Variants in ZDHHC14 observed in about 807,000 individuals in gnomAD.
The protein encoded by ZDHHC14 is zDHHC palmitoyltransferase 14.
In ZDHHC14, 16 loss-of-function variants were observed where a neutral mutation model predicts 47.7. That is an observed-to-expected ratio of 0.34 (90% CI 0.23 to 0.51). ZDHHC14 has a LOEUF of 0.51. Ranked by LOEUF, ZDHHC14 falls within the 20% of genes least tolerant of loss-of-function variation. The pLI, the probability that ZDHHC14 is intolerant of heterozygous loss-of-function variation, is 0.97. For missense variants in ZDHHC14, 515 were observed against 662.5 expected, an observed-to-expected ratio of 0.78 and a Z score of 2.44; for synonymous variants, 293 against 278.9, an observed-to-expected ratio of 1.05 and a Z score of -0.50.
intron 1 of ZDHHC14, among the ~76,000 whole-genome samples, chr6:157,476,515 C>T (rs955547101): frequency 2.0e-5 from 3 of 152,162 alleles, no homozygotes; most frequent in African/African-American, 7.2e-5. Context: ...AAAACTCTTC[C>T]AAACAACTGA....
chr6:157,560,085 T>C (rs1403873951), intron 2 of ZDHHC14, among the ~76,000 whole-genome samples: 1 of 152,244 alleles, frequency 6.6e-6, no homozygotes, highest in Non-Finnish European at 1.5e-5. Context: ...TTTCCACTCA[T>C]GCAGGCACAG....
intron 3 of ZDHHC14, among the ~76,000 whole-genome samples, chr6:157,613,776 T>C (rs1784843518): frequency 1.3e-5 from 2 of 152,104 alleles, no homozygotes; most frequent in Admixed American, 1.3e-4. Flanking sequence ...GGCCTAGGAA[T>C]AGGCTTCGGG....
chr6:157,507,286 A>ATT (rs34582274), intron 1 of ZDHHC14, among the ~76,000 whole-genome samples: 35 of 134,990 alleles, frequency 2.6e-4, no homozygotes, highest in Non-Finnish European at 3.3e-4. Flanking sequence ...TTCCTGACTC[A>ATT]TTTTTTTTTT....
rs1777523522 is a variant in ZDHHC14, at chr6:157,645,850, G to A, written c.855+11G>A. ...ACAACAAATGAGGACGTAAGTTCCTGACCACACGGGACACGGGCGTGTTCT... is the reference window on the plus strand; with the variant it reads ...ACAACAAATGAGGACGTAAGTTCCTAACCACACGGGACACGGGCGTGTTCT... On this transcript the variant is annotated intron_variant, in intron 6 of 8. Transcript: ENST00000359775. The A allele has an allele frequency of 1.2e-6, 2 of 1,610,456 alleles. No homozygotes were observed. The highest frequency in any genetic ancestry group is 1.3e-5 in the African/African-American group (1 of 74,830).
chr6:157,443,181 C>A (rs1468635798), intron 1 of ZDHHC14, among the ~76,000 whole-genome samples: 1 of 152,170 alleles, frequency 6.6e-6, no homozygotes, highest in African/African-American at 2.4e-5. Flanking sequence ...AGGGGCTCTT[C>A]CTTGTTTGCT....
At chr6:157,514,269 C>T (rs376240588) in intron 1 of ZDHHC14, among the ~76,000 whole-genome samples, 6 of 152,324 alleles carry the variant, frequency 3.9e-5, no homozygotes, top group East Asian at 1.9e-4. Flanking sequence ...AGCCAGCTCA[C>T]GGCCATGCGG....
At chr6:157,442,549 G>T (rs1265253715) in intron 1 of ZDHHC14, among the ~76,000 whole-genome samples, 3 of 152,312 alleles carry the variant, frequency 2.0e-5, no homozygotes, top group African/African-American at 4.8e-5. Context: ...CCAGTGTGCC[G>T]GTTTGTTGGT....
At chr6:157,398,492 G>A (rs1214419451) in intron 1 of ZDHHC14, among the ~76,000 whole-genome samples, 1 of 152,214 alleles carries the variant, frequency 6.6e-6, no homozygotes, top group Non-Finnish European at 1.5e-5. Flanking sequence ...AGAGGCTGGA[G>A]GCCAGGCTGA....
intron 1 of ZDHHC14, among the ~76,000 whole-genome samples, chr6:157,525,799 A>T (rs1032359027): frequency 6.6e-6 from 1 of 152,134 alleles, no homozygotes; most frequent in African/African-American, 2.4e-5. Flanking sequence ...CTGCTGCTGG[A>T]TGCCTGCGAG....
chr6:157,588,319 C>G (rs1049218757), intron 2 of ZDHHC14, among the ~76,000 whole-genome samples: 3 of 151,682 alleles, frequency 2.0e-5, no homozygotes, highest in African/African-American at 7.3e-5. Context: ...ATTAGCCAGG[C>G]ATGGTGGTGA....
At chr6:157,432,203 A>G (rs1403507203) in intron 1 of ZDHHC14, among the ~76,000 whole-genome samples, 2 of 152,206 alleles carry the variant, frequency 1.3e-5, no homozygotes. Context: ...TGGAGGCTTC[A>G]TAGCTGTGCA....
At position 157,623,582 on chromosome 6, in the gene ZDHHC14, G is replaced by A. The variant is rs570681032; in HGVS notation, c.566-4767G>A. Among the ~76,000 whole-genome samples the A allele has an allele frequency of 4.1e-4, 54 of 132,000 alleles. 1 individual carries two copies. Among genetic ancestry groups the A allele is most frequent in the Admixed American group, 1.6e-3 (18 of 11,386 alleles). The allele number at this position is 132,000 out of a possible 152,430, so 86.6% of individuals were successfully genotyped here. ...TTTTGAGACAGAGTCTTGCTCTGTC[G>A]CTCAGGCTTTAGTGCAGTGGCATGA... On this transcript the variant is annotated intron_variant, in intron 3 of 8. Transcript: ENST00000359775.
intron 1 of ZDHHC14, among the ~76,000 whole-genome samples, chr6:157,505,073 G>T (rs887352364): frequency 1.3e-5 from 2 of 152,222 alleles, no homozygotes; most frequent in African/African-American, 2.4e-5. Context: ...GCCTCCCAAA[G>T]TGTTGGGATT....
intron 8 of ZDHHC14, among the ~76,000 whole-genome samples, chr6:157,672,395 G>A (rs1372720772): frequency 6.6e-6 from 1 of 152,218 alleles, no homozygotes; most frequent in Non-Finnish European, 1.5e-5. Context: ...TAGATGGCCT[G>A]TGACTCTGTC....
intron 8 of ZDHHC14, among the ~76,000 whole-genome samples, chr6:157,669,401 G>A (rs1291726757): frequency 6.6e-6 from 1 of 152,124 alleles, no homozygotes; most frequent in Non-Finnish European, 1.5e-5. Context: ...AAGAAACAGA[G>A]GGTTGAGGCG....
In ZDHHC14 at chr6:157,675,980, G is replaced by A. The variant is rs1385902952; in HGVS notation, c.*2858G>A. 2 of 152,252 alleles carry A rather than the reference G, an allele frequency of 1.3e-5. No homozygotes were observed. The allele number at this position is 152,252 out of a possible 1,614,324, so 9.4% of individuals were successfully genotyped here. On this transcript the variant is annotated 3_prime_UTR_variant, in exon 9 of 9. Coordinates refer to ENST00000359775, the MANE Select transcript of ZDHHC14 (RefSeq NM_024630.3). ...TTCATCTGCGTTCGTTCTCCCAGGA[G>A]TGCTCCAGGGAACCACAGGCTTCCC... is the stretch of plus-strand genomic sequence containing the variant.
intron 3 of ZDHHC14, among the ~76,000 whole-genome samples, chr6:157,627,266 A>C (rs548423383): frequency 2.6e-5 from 4 of 152,316 alleles, no homozygotes; most frequent in African/African-American, 9.6e-5. Flanking sequence ...GTCACACCTC[A>C]TATAGCACTC....
chr6:157,490,141 G>C (rs2114726409), intron 1 of ZDHHC14, among the ~76,000 whole-genome samples: 1 of 152,286 alleles, frequency 6.6e-6, no homozygotes, highest in Non-Finnish European at 1.5e-5. Flanking sequence ...TACCGGAATG[G>C]GGAAGCTGGT....
intron 3 of ZDHHC14, among the ~76,000 whole-genome samples, chr6:157,609,761 C>T (rs1024577002): frequency 1.3e-5 from 2 of 152,094 alleles, no homozygotes; most frequent in African/African-American, 2.4e-5. Context: ...TCAGGAGAGC[C>T]GGTGGACAGC....
Sources: allele counts gnomAD v4.1 joint callset (sites outside exome capture counted in the v4.1 genomes callset), GRCh38; gene constraint gnomAD v4.1.1; transcripts MANE v1.5; gene names NCBI Gene and HGNC (gene_info 2026-07-23, HGNC 2026-07-21).